Variants in SHANK2 observed in about 807,000 individuals in gnomAD.
The protein encoded by SHANK2 is SH3 and multiple ankyrin repeat domains protein 2.
In SHANK2, 43 loss-of-function variants were observed where a neutral mutation model predicts 133.7. That is an observed-to-expected ratio of 0.32 (90% confidence interval 0.25 to 0.41). The LOEUF is 0.41. SHANK2 is among the 10% of genes least tolerant of loss of function. The probability of loss-of-function intolerance (pLI) is 1.00; values close to 1 mark genes in which losing one functional copy is unlikely to be tolerated. For missense variants in SHANK2, 1,994 were observed against 2,235.8 expected, an observed-to-expected ratio of 0.89 and a Z score of 2.18; for synonymous variants, 1,017 against 952.8, an observed-to-expected ratio of 1.07 and a Z score of -1.24.
intron 14 of SHANK2, among the ~76,000 whole-genome samples, chr11:70,769,094 G>A (rs566293554): frequency 2.6e-5 from 4 of 152,282 alleles, no homozygotes; most frequent in South Asian, 2.1e-4. Flanking sequence ...TCCCTGGAAC[G>A]CAGGGCCTGG....
chr11:70,725,228 T>C (rs1278553101), intron 14 of SHANK2, among the ~76,000 whole-genome samples: 5 of 152,200 alleles, frequency 3.3e-5, no homozygotes, highest in Admixed American at 2.6e-4. Flanking sequence ...TTTTAGTGAG[T>C]AAATGTTTCC....
chr11:70,899,688 G>A (rs1949996278), intron 10 of SHANK2, among the ~76,000 whole-genome samples: 1 of 152,198 alleles, frequency 6.6e-6, no homozygotes, highest in Admixed American at 6.5e-5. Context: ...CCCATGCCCT[G>A]GTCTGCTCAG....
At chr11:70,753,957 G>A (rs1245220994) in intron 14 of SHANK2, among the ~76,000 whole-genome samples, 6 of 152,192 alleles carry the variant, frequency 3.9e-5, no homozygotes, top group South Asian at 2.1e-4. Flanking sequence ...GATTACAGGC[G>A]TGCACCACCA....
Position 70,881,478 on chromosome 11 carries a change from A to G in SHANK2, c.1174+15023T>C, listed in dbSNP as rs189059773. Among the ~76,000 whole-genome samples, 5 of 151,584 alleles carry G rather than the reference A, an allele frequency of 3.3e-5. No homozygotes were observed. The East Asian group carries it at 9.7e-4, about 29-fold the overall frequency. On this transcript the variant is annotated intron_variant, in intron 11 of 25. Transcript: ENST00000601538. ...GTCTGTAATTCCTGCACTTTGTGAG[A>G]CTGAGGTAGAAGGATGACTTGAGCT...
At chr11:70,570,984 G>A (rs782086661) in intron 17 of SHANK2, among the ~76,000 whole-genome samples, 19 of 152,248 alleles carry the variant, frequency 1.2e-4, no homozygotes, top group African/African-American at 3.6e-4. Flanking sequence ...ACTCCTGTGC[G>A]GTGGTGTTCA....
intron 8 of SHANK2, among the ~76,000 whole-genome samples, chr11:71,077,785 AAGGACACTC>A (rs1951241043): frequency 6.6e-6 from 1 of 152,062 alleles, no homozygotes; most frequent in African/African-American, 2.4e-5. Flanking sequence ...CTGCACACAC[AAGGACACTC>A]AGGAAAGGGA....
At chr11:70,755,164 C>T (rs1555038526) in intron 14 of SHANK2, among the ~76,000 whole-genome samples, 1 of 151,918 alleles carries the variant, frequency 6.6e-6, no homozygotes, top group African/African-American at 2.4e-5. Context: ...CTCTGCTTCC[C>T]AGGTTCAAGT....
chr11:70,593,825 C>CTTCG (rs1240098858), intron 17 of SHANK2, among the ~76,000 whole-genome samples: 71 of 152,176 alleles, frequency 4.7e-4, no homozygotes, highest in African/African-American at 1.0e-3. Context: ...TCATTAGTTC[C>CTTCG]TTCGTTCGTT....
chr11:70,483,558 AAAAAT>A (rs2058763221), intron 25 of SHANK2, among the ~76,000 whole-genome samples: 1 of 151,370 alleles, frequency 6.6e-6, no homozygotes, highest in African/African-American at 2.4e-5. Flanking sequence ...AAAAAAAAAA[AAAAAT>A]AGCTGGGTGT....
intron 2 of SHANK2, among the ~76,000 whole-genome samples, chr11:71,185,389 A>G (rs1357191917): frequency 6.6e-6 from 1 of 152,198 alleles, no homozygotes; most frequent in African/African-American, 2.4e-5. Context: ...ATCACTATAT[A>G]TGGCTAATCC....
intron 11 of SHANK2, among the ~76,000 whole-genome samples, chr11:70,869,692 C>T (rs73523189): frequency 0.029 from 4,480 of 152,172 alleles, 197 homozygotes; most frequent in African/African-American, 0.1. Flanking sequence ...ACCCTGGGCT[C>T]GGTGACCACC....
chr11:70,868,104 G>A (rs782434297), intron 11 of SHANK2, among the ~76,000 whole-genome samples: 18 of 152,246 alleles, frequency 1.2e-4, no homozygotes, highest in Non-Finnish European at 1.6e-4. Context: ...CTTAGCATTT[G>A]ACAGCATAAT....
chr11:71,107,433 C>T (rs1013352250), intron 6 of SHANK2, among the ~76,000 whole-genome samples: 3 of 152,154 alleles, frequency 2.0e-5, no homozygotes, highest in Admixed American at 6.5e-5. Flanking sequence ...TCTGTCTTCT[C>T]TGGGTTTGGT....
intron 14 of SHANK2, among the ~76,000 whole-genome samples, chr11:70,743,408 C>T (rs2510301): frequency 4.6e-5 from 7 of 152,182 alleles, no homozygotes; most frequent in East Asian, 1.9e-4. Flanking sequence ...CCCCCCAATG[C>T]GAGCACATGG....
chr11:70,510,435 C>T (rs560011020), intron 17 of SHANK2, among the ~76,000 whole-genome samples: 1 of 152,334 alleles, frequency 6.6e-6, no homozygotes, highest in African/African-American at 2.4e-5. Context: ...CCTTCCCCAC[C>T]CCACAGAGGT....
At chr11:70,775,354 G>GGTGA (rs1346910840) in intron 14 of SHANK2, among the ~76,000 whole-genome samples, 5 of 152,120 alleles carry the variant, frequency 3.3e-5, no homozygotes, top group Non-Finnish European at 5.9e-5. Context: ...TACTCGGGAG[G>GGTGA]GTGAGGCAGG....
At chr11:70,891,666 C>T (rs1949847709) in intron 11 of SHANK2, among the ~76,000 whole-genome samples, 1 of 152,094 alleles carries the variant, frequency 6.6e-6, no homozygotes, top group Non-Finnish European at 1.5e-5. Flanking sequence ...TCTGTGATCC[C>T]ACAGAGGTGA....
At chr11:70,683,075 G>A (rs1187139353) in intron 15 of SHANK2, among the ~76,000 whole-genome samples, 1 of 152,116 alleles carries the variant, frequency 6.6e-6, no homozygotes, top group African/African-American at 2.4e-5. Context: ...TTTCCCTGCT[G>A]GTCTCTCCAC....
intron 14 of SHANK2, chr11:70,705,035 G>A (rs1945629393): frequency 6.6e-6 from 1 of 152,350 alleles, no homozygotes; most frequent in South Asian, 2.1e-4. Flanking sequence ...CATTTGAGAA[G>A]CTGGTGGTTC....
Sources: gnomAD v4.1 joint callset for allele counts (sites outside exome capture counted in the v4.1 genomes callset) on GRCh38, gnomAD v4.1.1 for gene constraint, MANE v1.5 for transcripts, NCBI Gene and HGNC (gene_info 2026-07-23, HGNC 2026-07-21) for gene names.